BICRAL: variants seen among roughly 807,000 people sequenced by gnomAD.
BICRAL encodes BRD4-interacting chromatin-remodeling complex-associated protein-like.
In BICRAL, 8 loss-of-function variants were observed where a neutral mutation model predicts 91.8. That is an observed-to-expected ratio of 0.09 (90% CI 0.05 to 0.16). BICRAL has a LOEUF of 0.16. Among genes scored for constraint, BICRAL ranks in the 10% least tolerant of loss-of-function variants. The probability of loss-of-function intolerance (pLI) is 1.00; values close to 1 mark genes in which losing one functional copy is unlikely to be tolerated. For synonymous variants in BICRAL, 445 were observed against 491.1 expected (o/e 0.91, Z 1.24); for missense variants, 1,038 against 1,310.9 (o/e 0.79, Z 3.21).
Position 42,828,963 on chromosome 6 carries a change from T to C in BICRAL, c.630T>C (p.Ser210=). 6.2e-7 allele frequency: 1 copy of C among 1,614,182 alleles called. No homozygotes were observed. The highest frequency in any genetic ancestry group is 8.5e-7 in the Non-Finnish European group (1 of 1,180,002). Residue 210 remains serine, a synonymous_variant, in exon 6 of 13, where the codon TCT becomes TCC. Transcript: ENST00000314073. ...CTAATAGCAGTCAGATTAGTGGTTCTGGTCAAATACAGTTAATTGGGTCAT... is the reference window on the plus strand; with the variant it reads ...CTAATAGCAGTCAGATTAGTGGTTCCGGTCAAATACAGTTAATTGGGTCAT... ...HLSNSSQISG[S]GQIQLIGSFG...
At chr6:42,785,840 G>T (rs760864425) in intron 1 of BICRAL, among the ~76,000 whole-genome samples, 5 of 151,526 alleles carry the variant, frequency 3.3e-5, no homozygotes, top group Admixed American at 6.6e-5. Flanking sequence ...CGGATCACGA[G>T]GTCAGGAGTT....
chr6:42,815,246 G>A (rs1763958298), intron 2 of BICRAL, among the ~76,000 whole-genome samples: 1 of 143,762 alleles, frequency 7.0e-6, no homozygotes, highest in Admixed American at 7.3e-5. Flanking sequence ...CTAGAGTGCA[G>A]TGGGGCAATC....
intron 1 of BICRAL, among the ~76,000 whole-genome samples, chr6:42,765,667 A>G (rs1762620148): frequency 6.6e-6 from 1 of 152,210 alleles, no homozygotes; most frequent in African/African-American, 2.4e-5. Context: ...TAGGCTCTTG[A>G]TAAAGGTGTG....
chr6:42,789,015 G>T (rs1582819034), intron 1 of BICRAL, among the ~76,000 whole-genome samples: 1 of 152,178 alleles, frequency 6.6e-6, no homozygotes, highest in Admixed American at 6.5e-5. Flanking sequence ...AGTGCCAGAG[G>T]CTTGAGAGTA....
chr6:42,774,126 C>T (rs1438903276), intron 1 of BICRAL, among the ~76,000 whole-genome samples: 1 of 152,090 alleles, frequency 6.6e-6, no homozygotes, highest in Non-Finnish European at 1.5e-5. Context: ...CAGAGAACAT[C>T]CTGTGCTTTT....
At chr6:42,785,335 G>A (rs969556606) in intron 1 of BICRAL, among the ~76,000 whole-genome samples, 10 of 151,958 alleles carry the variant, frequency 6.6e-5, no homozygotes, top group African/African-American at 2.4e-4. Flanking sequence ...GAGGCGGGCG[G>A]ATTACCTGAA....
intron 1 of BICRAL, among the ~76,000 whole-genome samples, chr6:42,800,580 C>T (rs1041237234): frequency 1.3e-5 from 2 of 151,352 alleles, no homozygotes; most frequent in Non-Finnish European, 2.9e-5. Context: ...GACAGGGTCC[C>T]GCTTCATCGC....
At chr6:42,777,781 C>CTT (rs537951229), upstream of BICRAL, among the ~76,000 whole-genome samples, 5 of 151,252 alleles carry the variant, frequency 3.3e-5, no homozygotes, top group African/African-American at 1.2e-4. Context: ...TTTCCATCCT[C>CTT]TTTTTTTTTA....
intron 7 of BICRAL, among the ~76,000 whole-genome samples, 155 bp from the exon 8 acceptor site, chr6:42,853,483 G>A (rs1457341190): frequency 6.6e-6 from 1 of 152,132 alleles, no homozygotes; most frequent in Non-Finnish European, 1.5e-5. Flanking sequence ...GTAAGTAAAT[G>A]CACTACCCTG....
At chr6:42,855,723 C>T in intron 8 of BICRAL, 133 bp from the exon 9 acceptor site, 1 of 651,076 alleles carries the variant, frequency 1.5e-6, no homozygotes, top group South Asian at 2.1e-5. Flanking sequence ...TATTTTTCAG[C>T]AGGGCACATT....
intron 10 of BICRAL, among the ~76,000 whole-genome samples, chr6:42,859,947 C>T (rs1765503097): frequency 1.3e-5 from 2 of 151,974 alleles, no homozygotes; most frequent in Non-Finnish European, 2.9e-5. Context: ...GCCCGGCCTA[C>T]TCATTGATAT....
chr6:42,833,510 C>A (rs576819138), intron 6 of BICRAL, among the ~76,000 whole-genome samples: 1 of 151,778 alleles, frequency 6.6e-6, no homozygotes, highest in East Asian at 1.9e-4. Context: ...TGCAGTGGTA[C>A]GATCTCGGCT....
chr6:42,801,713 C>T (rs1365583418), intron 1 of BICRAL, among the ~76,000 whole-genome samples: 1 of 151,474 alleles, frequency 6.6e-6, no homozygotes, highest in Non-Finnish European at 1.5e-5. Flanking sequence ...AAAACCCTGT[C>T]TCTACTAAAC....
At chr6:42,853,332 G>A (rs1007760648) in intron 7 of BICRAL, among the ~76,000 whole-genome samples, 2 of 151,936 alleles carry the variant, frequency 1.3e-5, no homozygotes, top group Non-Finnish European at 2.9e-5. Flanking sequence ...TTGGGATTCT[G>A]TAGTGCTGAC....
rs140518750 is a variant in BICRAL at position 42,852,135 on chromosome 6, C to T, written c.1883C>T (p.Pro628Leu). The T allele has an allele frequency of 1.2e-6, 2 of 1,613,670 alleles. No homozygotes were observed. The highest frequency in any genetic ancestry group is 1.3e-5 in the African/African-American group (1 of 75,012). ...CLNQTSPISA[P>L]KTTDGLRQAQ... Reference sequence around the variant, plus strand: ...AATCAGACTTCCCCCATTTCTGCTCCCAAGACCACAGACGGCCTGAGGCAA... The same window carrying T: ...AATCAGACTTCCCCCATTTCTGCTCTCAAGACCACAGACGGCCTGAGGCAA... The change falls in exon 7 of 13, where the codon CCC (proline) becomes CTC (leucine). Residue 628 changes from proline (P) to leucine (L), a missense_variant. Physicochemically the swap from Pro to Leu is moderately conservative, Grantham distance 98. Transcript: ENST00000314073.
At chr6:42,856,273 C>T (rs13217089) in intron 9 of BICRAL, among the ~76,000 whole-genome samples, 1,535 of 150,936 alleles carry the variant, frequency 0.01, 24 homozygotes, top group Non-Finnish European at 0.016. Context: ...TTGGAGATTG[C>T]GCCACTGCAC....
chr6:42,782,025 CCCGCCGCCG>C (rs775975045), upstream of BICRAL: 717 of 147,442 alleles, frequency 4.9e-3, 4 homozygotes, highest in South Asian at 9.7e-3. Context: ...CGGCCCCGCG[CCCGCCGCCG>C]CCGCCGCCGC....
chr6:42,815,782 G>A (rs1000517593), intron 2 of BICRAL, among the ~76,000 whole-genome samples: 1 of 150,790 alleles, frequency 6.6e-6, no homozygotes, highest in African/African-American at 2.4e-5. Context: ...GAGGTCAGGA[G>A]TTCGAGACTA....
rs1041242319 is a variant in BICRAL at position 42,866,191 on chromosome 6, C to T, written c.*745C>T. 3.3e-5 allele frequency: 5 copies of T among 152,502 alleles called. No homozygotes were observed. The highest frequency in any genetic ancestry group is 9.6e-5 in the African/African-American group (4 of 41,496). 9.4% of individuals were successfully genotyped at this position (152,502 alleles called of 1,614,324 possible). ...AATTTCACCTAGGGAATGTTCTGTT[C>T]TTAGTTACAGCAGCAAAATTTGAAA... On this transcript the variant is annotated 3_prime_UTR_variant, in exon 13 of 13. Coordinates refer to ENST00000314073, the MANE Select transcript of BICRAL (RefSeq NM_001393499.1).
Sources: gnomAD v4.1 joint callset for allele counts (sites outside exome capture counted in the v4.1 genomes callset) on GRCh38, gnomAD v4.1.1 for gene constraint, MANE v1.5 for transcripts, NCBI Gene and HGNC (gene_info 2026-07-23, HGNC 2026-07-21) for gene names.